The following DDX60 variants were observed in gnomAD, a reference collection of about 807,000 sequenced individuals.
DDX60 encodes probable ATP-dependent RNA helicase DDX60.
In DDX60, 165 loss-of-function variants were observed where a neutral mutation model predicts 212.8. That is an observed-to-expected ratio of 0.78 (90% CI 0.68 to 0.88). The LOEUF is 0.88. DDX60 is among the 40% of genes least tolerant of loss of function. DDX60 has a pLI of 0.00. For synonymous variants in DDX60, 703 were observed against 685.3 expected (o/e 1.03, Z -0.40); for missense variants, 1,905 against 2,003.9 (o/e 0.95, Z 0.94).
At chr4:168,269,018 T>C (rs1218498752) in intron 19 of DDX60, 49 bp from the exon 20 acceptor site, 1 of 1,106,734 alleles carries the variant, frequency 9.0e-7, no homozygotes. Context: ...GATTTAAAAA[T>C]AGCAAATGAA....
rs1424892773 is a variant in DDX60 at position 168,252,493 on chromosome 4, G to T, written c.3705+16C>A. 6.2e-7 allele frequency: 1 copy of T among 1,612,704 alleles called. No individual in the cohort carries two copies. The highest frequency in any genetic ancestry group is 1.1e-5 in the South Asian group (1 of 90,492). ...AATGAAATAGTTTGGAGAACGATCA[G>T]GTTGTAAGTGCTGACCTCAGTGTCC... On this transcript the variant is annotated intron_variant, in intron 27 of 37. Transcript: ENST00000393743.
Position 168,220,694 on chromosome 4 carries a change from T to C in DDX60, c.5000A>G (p.Tyr1667Cys), listed in dbSNP as rs1733022448. ...GGTGAGTGCAAAATCCTTCAACAAA[T>C]AATAAGCATCTCCTTCATTCATCCT... is the stretch of plus-strand genomic sequence containing the variant. ...DNRMNEGDAY[Y>C]LLKDFALTIK... Residue 1667 changes from tyrosine to cysteine, a missense_variant, in exon 37 of 38, where the codon TAT becomes TGT. Tyr to Cys is a radical substitution (Grantham distance 194). Transcript: ENST00000393743. The C allele has an allele frequency of 1.4e-6, 2 of 1,449,262 alleles. No homozygotes were observed. The highest frequency in any genetic ancestry group is 1.8e-6 in the Non-Finnish European group (2 of 1,096,912). The allele number at this position is 1,449,262 out of a possible 1,614,324, so 89.8% of individuals were successfully genotyped here. A position where few individuals can be genotyped will look rare whatever the true frequency, so the allele number is the denominator to read the frequency against.
intron 14 of DDX60, among the ~76,000 whole-genome samples, chr4:168,278,247 A>G (rs1240635467): frequency 6.6e-6 from 1 of 152,204 alleles, no homozygotes; most frequent in African/African-American, 2.4e-5. Flanking sequence ...TTATCCATGA[A>G]GTTGTGAAGA....
intron 6 of DDX60, among the ~76,000 whole-genome samples, chr4:168,297,998 G>C (rs555364726): frequency 2.0e-5 from 3 of 151,478 alleles, no homozygotes; most frequent in Non-Finnish European, 2.9e-5. Context: ...CAATAAATGA[G>C]TGCTAATGGA....
At chr4:168,237,539 C>A (rs1578982532) in intron 31 of DDX60, 112 bp from the exon 32 acceptor site, 2 of 1,227,202 alleles carry the variant, frequency 1.6e-6, no homozygotes, top group East Asian at 2.6e-5. Context: ...ATATTTATAA[C>A]TATTACTGGG....
chr4:168,292,060 T>G (rs1736135254), intron 7 of DDX60, among the ~76,000 whole-genome samples, 154 bp from the exon 8 acceptor site: 1 of 149,746 alleles, frequency 6.7e-6, no homozygotes, highest in Admixed American at 6.6e-5. Context: ...TTTTTTTTTT[T>G]TTTTTTGAGA....
intron 6 of DDX60, among the ~76,000 whole-genome samples, chr4:168,296,034 G>A (rs553174064): frequency 1.3e-5 from 2 of 152,158 alleles, no homozygotes; most frequent in African/African-American, 2.4e-5. Context: ...TGACCCAAGG[G>A]TACAAACTTT....
At position 168,229,781 on chromosome 4, in the gene DDX60, A is replaced by G. The variant is rs1430270318; in HGVS notation, c.4534-4105T>C. Among the ~76,000 whole-genome samples, 9 of 152,114 alleles carry G rather than the reference A, an allele frequency of 5.9e-5. 1 individual carries two copies. The highest frequency in any genetic ancestry group is 5.8e-4 in the East Asian group (3 of 5,186). ...ACCTCCTTAAAGCATAAATCTCACA[A>G]GACCTATAAAATAATAGCACAATGG... On this transcript the variant is annotated intron_variant, in intron 33 of 37. Transcript: ENST00000393743.
At chr4:168,231,726 A>G (rs1405814622) in intron 33 of DDX60, among the ~76,000 whole-genome samples, 1 of 152,090 alleles carries the variant, frequency 6.6e-6, no homozygotes, top group East Asian at 1.9e-4. Context: ...AGGTAATAAA[A>G]GCCATCTAAG....
intron 6 of DDX60, among the ~76,000 whole-genome samples, chr4:168,298,872 C>T (rs953167806): frequency 2.0e-5 from 3 of 151,624 alleles, no homozygotes; most frequent in Admixed American, 2.0e-4. Flanking sequence ...TTTTAAAAAT[C>T]ATGAACGTAG....
Position 168,291,886 on chromosome 4 carries a change from G to A in DDX60, c.903C>T (p.Thr301=), listed in dbSNP as rs776498862. 1.2e-6 allele frequency: 2 copies of A among 1,610,766 alleles called. No homozygotes were observed. The highest frequency in any genetic ancestry group is 2.2e-5 in the South Asian group (2 of 90,434). ...EIQQVNSNCL[T]LQEMEDLCKL... ...TACACAAATCTTCCATCTCCTGCAG[G>A]GTTAAGCAATTACTGTTCACCTGAA... Residue 301 remains threonine, a synonymous_variant, in exon 8 of 38, where the codon ACC becomes ACT. Coordinates refer to ENST00000393743, the MANE Select transcript of DDX60 (RefSeq NM_017631.6).
chr4:168,251,151 A>G (rs750410921), intron 27 of DDX60, 45 bp from the exon 28 acceptor site: 11 of 1,523,392 alleles, frequency 7.2e-6, no homozygotes, highest in African/African-American at 2.8e-5. Flanking sequence ...AATTTTAATT[A>G]TAATTAAAAA....
At position 168,235,098 on chromosome 4, in the gene DDX60, T is replaced by C. The variant is rs145833923; in HGVS notation, c.4533+1154A>G. ...GTCTTGAGGGGGATACAAGCCTACCTATGAAGGCAGACCCAGATCCTTTTC... is the reference window on the plus strand; with the variant it reads ...GTCTTGAGGGGGATACAAGCCTACCCATGAAGGCAGACCCAGATCCTTTTC... On this transcript the variant is annotated intron_variant, in intron 33 of 37. Coordinates refer to ENST00000393743, the MANE Select transcript of DDX60 (RefSeq NM_017631.6). Among the ~76,000 whole-genome samples the C allele has an allele frequency of 6.6e-4, 101 of 152,234 alleles. 2 individuals carry two copies. The East Asian group carries it at 0.016, about 24-fold the overall frequency.
rs70961508 is a variant in DDX60, at chr4:168,297,297, C to CGAAAGAAAGAAAGAAA, written c.724-3368_724-3353dup. ...AGAAAGAAAGAAAGAGAGAGAGAGA[C>CGAAAGAAAGAAAGAAA]GAAAGAAAGAAAGAAAGAAAGAAAG... On this transcript the variant is annotated intron_variant, in intron 6 of 37. Transcript: ENST00000393743. Among the ~76,000 whole-genome samples the CGAAAGAAAGAAAGAAA allele has an allele frequency of 1.3e-3, 90 of 67,470 alleles. 1 individual carries two copies. Among genetic ancestry groups the CGAAAGAAAGAAAGAAA allele is most frequent in the East Asian group, 4.7e-3 (11 of 2,326 alleles). 44.3% of individuals were successfully genotyped at this position (67,470 alleles called of 152,430 possible).
intron 15 of DDX60, 100 bp downstream of exon 15, chr4:168,275,912 TAAA>T (rs200207610): frequency 0.019 from 17,477 of 924,518 alleles, 181 homozygotes; most frequent in East Asian, 0.16. Flanking sequence ...GTATTTTCAG[TAAA>T]AAAAAAAAAA....
At chr4:168,225,767 T>G in intron 33 of DDX60, 91 bp from the exon 34 acceptor site, 23 of 1,119,802 alleles carry the variant, frequency 2.1e-5, no homozygotes, top group Non-Finnish European at 2.5e-5. Flanking sequence ...AACATTGCAA[T>G]ATAATTCTAT....
At chr4:168,253,417 G>A (rs185901056) in intron 26 of DDX60, among the ~76,000 whole-genome samples, 12 of 152,200 alleles carry the variant, frequency 7.9e-5, no homozygotes, top group Admixed American at 2.0e-4. Flanking sequence ...CAGCTGCTTT[G>A]AGTTGGGTTG....
At chr4:168,242,601 C>T (rs1193326315) in intron 30 of DDX60, among the ~76,000 whole-genome samples, 4 of 152,178 alleles carry the variant, frequency 2.6e-5, no homozygotes, top group Non-Finnish European at 4.4e-5. Flanking sequence ...TGGCAAATTT[C>T]TCCCATTTGG....
At position 168,259,752 on chromosome 4, in the gene DDX60, T is replaced by A. The variant is rs537154175; in HGVS notation, c.3398+1113A>T. ...TTGATGTCCAACGAAATTGCACTAT[T>A]TTGTTCAATTTTAAGCTATTTGATA... On this transcript the variant is annotated intron_variant, in intron 25 of 37. Transcript: ENST00000393743. Among the ~76,000 whole-genome samples the A allele has an allele frequency of 2.6e-5, 4 of 151,374 alleles. No homozygotes were observed. In the South Asian group the frequency reaches 8.4e-4, roughly 32 times the overall value.
Sources: allele counts gnomAD v4.1 joint callset (sites outside exome capture counted in the v4.1 genomes callset), GRCh38; gene constraint gnomAD v4.1.1; transcripts MANE v1.5; gene names NCBI Gene and HGNC (gene_info 2026-07-23, HGNC 2026-07-21).